RYR3: variants seen among roughly 807,000 people sequenced by gnomAD.
RYR3 encodes brain ryanodine receptor-calcium release channel.
RYR3 carries 207 observed loss-of-function variants against 584.3 expected under a neutral mutation model. That is an observed-to-expected ratio of 0.35 (90% CI 0.32 to 0.40). The LOEUF (loss-of-function observed/expected upper bound fraction) is 0.40, where lower values mean the gene tolerates loss of function less well. Ranked by LOEUF, RYR3 falls within the 10% of genes least tolerant of loss-of-function variation. The pLI is 1.00. For synonymous variants in RYR3, 2,416 were observed against 2,248.5 expected (o/e 1.07, Z -2.11); for missense variants, 5,616 against 6,089.2 (o/e 0.92, Z 2.59).
At chr15:33,544,914 G>T (rs1447222322) in intron 8 of RYR3, among the ~76,000 whole-genome samples, 1 of 152,118 alleles carries the variant, frequency 6.6e-6, no homozygotes, top group East Asian at 1.9e-4. Context: ...TTCCTTAGAA[G>T]TAAGGATTCT....
At chr15:33,807,496 G>A in intron 69 of RYR3, 59 bp from the exon 70 acceptor site, 1 of 1,530,386 alleles carries the variant, frequency 6.5e-7, no homozygotes, top group Non-Finnish European at 8.9e-7. Context: ...TTGCCTTAGA[G>A]CCCTGCTTTT....
chr15:33,557,017 C>T (rs8040445), intron 10 of RYR3, among the ~76,000 whole-genome samples: 106,196 of 152,108 alleles, frequency 0.7, 39,091 homozygotes, highest in Middle Eastern at 0.85. Context: ...AGCAACTAAA[C>T]TATTGGTACA....
chr15:33,666,597 C>A (rs2063505907), intron 36 of RYR3, among the ~76,000 whole-genome samples: 1 of 148,824 alleles, frequency 6.7e-6, no homozygotes, highest in South Asian at 2.2e-4. Flanking sequence ...AAATAGGATG[C>A]CTGAAAATTA....
intron 32 of RYR3, 133 bp downstream of exon 32, chr15:33,653,016 T>A: frequency 1.3e-6 from 1 of 797,486 alleles, no homozygotes; most frequent in Non-Finnish European, 1.9e-6. Context: ...CATGGGCCAC[T>A]TAGGACAACA....
intron 3 of RYR3, among the ~76,000 whole-genome samples, chr15:33,506,473 G>A (rs774658402): frequency 6.6e-6 from 1 of 151,944 alleles, no homozygotes; most frequent in Non-Finnish European, 1.5e-5. Context: ...TTTCCATATT[G>A]CCTTTTGTTC....
intron 76 of RYR3, among the ~76,000 whole-genome samples, chr15:33,819,294 G>C (rs1242051583): frequency 6.6e-6 from 1 of 152,294 alleles, no homozygotes; most frequent in East Asian, 1.9e-4. Context: ...AATCAGAGTG[G>C]GGGAAGGGAT....
chr15:33,418,405 C>T (rs907397358), intron 1 of RYR3, among the ~76,000 whole-genome samples: 6 of 150,754 alleles, frequency 4.0e-5, no homozygotes, highest in South Asian at 2.1e-4. Context: ...GGACTTTAAA[C>T]GAGAGTAGAA....
At chr15:33,461,289 A>T (rs1007458954) in intron 1 of RYR3, among the ~76,000 whole-genome samples, 2 of 152,080 alleles carry the variant, frequency 1.3e-5, no homozygotes, top group African/African-American at 4.8e-5. Context: ...TGGGAACTAA[A>T]CACTGAGTCC....
chr15:33,520,728 G>A (rs191493829), intron 3 of RYR3, among the ~76,000 whole-genome samples: 2 of 146,200 alleles, frequency 1.4e-5, no homozygotes, highest in East Asian at 1.9e-4. Context: ...ACATGTGTTA[G>A]GGTTGCCATT....
rs922485548 is a variant in RYR3, at chr15:33,667,974, A to T, written c.5620-1380A>T. Among the ~76,000 whole-genome samples the T allele has an allele frequency of 2.6e-5, 4 of 151,740 alleles. No homozygotes were observed. In the East Asian group the frequency reaches 5.8e-4, roughly 22 times the overall value. On this transcript the variant is annotated intron_variant, in intron 36 of 103. Coordinates refer to ENST00000634891, the MANE Select transcript of RYR3 (RefSeq NM_001036.6). ...GCTACTCGGCACCCTGAGGCAGGAG[A>T]ATCACTTTAACCCAGGTGGTGGAGG...
chr15:33,565,235 A>G (rs2057646248), intron 11 of RYR3, among the ~76,000 whole-genome samples: 1 of 152,206 alleles, frequency 6.6e-6, no homozygotes, highest in Admixed American at 6.5e-5. Context: ...GTCTTTAAGG[A>G]CCAGAAATCT....
chr15:33,535,603 C>T (rs1427102530), intron 5 of RYR3, among the ~76,000 whole-genome samples: 1 of 152,160 alleles, frequency 6.6e-6, no homozygotes, highest in Non-Finnish European at 1.5e-5. Context: ...AGAATATGAT[C>T]AGAAAAGTCA....
chr15:33,691,725 T>C (rs900107658), intron 38 of RYR3, among the ~76,000 whole-genome samples: 1 of 152,222 alleles, frequency 6.6e-6, no homozygotes, highest in African/African-American at 2.4e-5. Context: ...CAGAGGATAT[T>C]TTAAAGATGT....
At chr15:33,550,774 A>T (rs919246056) in intron 10 of RYR3, among the ~76,000 whole-genome samples, 1 of 152,238 alleles carries the variant, frequency 6.6e-6, no homozygotes, top group African/African-American at 2.4e-5. Context: ...CATGAGTTTC[A>T]GTGCTATATT....
chr15:33,540,462 C>T (rs2055726199), intron 6 of RYR3, among the ~76,000 whole-genome samples: 1 of 151,920 alleles, frequency 6.6e-6, no homozygotes, highest in African/African-American at 2.4e-5. Context: ...TTGCCTAGGC[C>T]AAGTGTTGGG....
intron 1 of RYR3, among the ~76,000 whole-genome samples, chr15:33,433,095 A>C (rs1042274933): frequency 1.3e-5 from 2 of 152,208 alleles, no homozygotes; most frequent in African/African-American, 4.8e-5. Flanking sequence ...AGGAAGATAA[A>C]ATGGGACTCT....
At chr15:33,362,455 T>G (rs562454782) in intron 1 of RYR3, among the ~76,000 whole-genome samples, 2 of 152,292 alleles carry the variant, frequency 1.3e-5, no homozygotes, top group East Asian at 1.9e-4. Flanking sequence ...ATCATCAGCA[T>G]CATCATCTCA....
chr15:33,542,546 G>A (rs561678210), intron 7 of RYR3, among the ~76,000 whole-genome samples: 4 of 152,200 alleles, frequency 2.6e-5, no homozygotes, highest in Admixed American at 1.3e-4. Context: ...GAATATTTGA[G>A]GGAATTTTAG....
intron 5 of RYR3, among the ~76,000 whole-genome samples, chr15:33,538,904 C>A (rs540095516): frequency 6.6e-6 from 1 of 152,076 alleles, no homozygotes; most frequent in Non-Finnish European, 1.5e-5. Context: ...AGATGTAAGC[C>A]TTTAAAAAAG....
Sources: allele counts gnomAD v4.1 joint callset (sites outside exome capture counted in the v4.1 genomes callset), GRCh38; gene constraint gnomAD v4.1.1; transcripts MANE v1.5; gene names NCBI Gene and HGNC (gene_info 2026-07-23, HGNC 2026-07-21).